The following CNTN3 variants were observed in gnomAD, a reference collection of about 807,000 sequenced individuals.
CNTN3 encodes the protein contactin 3.
A neutral mutation model predicts 119.1 loss-of-function variants in CNTN3; 60 were observed. The observed-to-expected ratio is 0.50, with a 90% CI of 0.41 to 0.62. The LOEUF is 0.62. Ranked by LOEUF, CNTN3 falls within the 20% of genes least tolerant of loss-of-function variation. The probability of loss-of-function intolerance (pLI) is 0.00; values close to 1 mark genes in which losing one functional copy is unlikely to be tolerated. For synonymous variants in CNTN3, 450 were observed against 438.7 expected (o/e 1.03, Z -0.32); for missense variants, 1,101 against 1,242.4 (o/e 0.89, Z 1.71).
At chr3:74,302,853 AC>A in intron 13 of CNTN3, 46 bp from the exon 14 acceptor site, 3 of 1,319,294 alleles carry the variant, frequency 2.3e-6, no homozygotes, top group Non-Finnish European at 3.2e-6. Context: ...TTTTTAAAAA[AC>A]ACAAAGAAGT....
At chr3:74,588,242 A>G (rs1704633163) in intron 1 of CNTN3, among the ~76,000 whole-genome samples, 1 of 152,134 alleles carries the variant, frequency 6.6e-6, no homozygotes, top group African/African-American at 2.4e-5. Context: ...TAAGCTGATA[A>G]GCAACTTCAG....
chr3:74,551,264 C>T (rs576668249), intron 1 of CNTN3, among the ~76,000 whole-genome samples: 18 of 152,244 alleles, frequency 1.2e-4, no homozygotes, highest in African/African-American at 3.1e-4. Context: ...ATACACTCCA[C>T]GACACTCAGA....
intron 11 of CNTN3, 106 bp from the exon 12 acceptor site, chr3:74,336,764 G>A: frequency 1.1e-6 from 1 of 885,496 alleles, no homozygotes; most frequent in Non-Finnish European, 1.6e-6. Flanking sequence ...GTATTTTTAA[G>A]GCATGATCAA....
intron 1 of CNTN3, among the ~76,000 whole-genome samples, chr3:74,594,709 G>C (rs1176432444): frequency 6.6e-6 from 1 of 152,024 alleles, no homozygotes; most frequent in East Asian, 1.9e-4. Flanking sequence ...TTGGACATTT[G>C]GGTTGGTCCC....
intron 1 of CNTN3, among the ~76,000 whole-genome samples, chr3:74,565,890 T>G (rs1704218796): frequency 6.6e-6 from 1 of 152,054 alleles, no homozygotes; most frequent in South Asian, 2.1e-4. Context: ...GAGGGACTGG[T>G]AGGAGGTATT....
chr3:74,434,236 C>T (rs147412500), intron 4 of CNTN3, among the ~76,000 whole-genome samples: 2 of 152,360 alleles, frequency 1.3e-5, no homozygotes, highest in East Asian at 3.9e-4. Flanking sequence ...ACAATATCCA[C>T]TCTTTGAACC....
At chr3:74,459,793 C>T (rs939857416) in intron 4 of CNTN3, among the ~76,000 whole-genome samples, 3 of 152,036 alleles carry the variant, frequency 2.0e-5, no homozygotes, top group Non-Finnish European at 4.4e-5. Context: ...TCCCATAACA[C>T]CTTTAATTCA....
intron 4 of CNTN3, among the ~76,000 whole-genome samples, chr3:74,435,165 T>C (rs1701845990): frequency 6.6e-6 from 1 of 152,188 alleles, no homozygotes. Flanking sequence ...TTAATTTTAC[T>C]GGAACGATTT....
intron 11 of CNTN3, among the ~76,000 whole-genome samples, chr3:74,358,646 C>T (rs1218716981): frequency 1.4e-5 from 2 of 143,518 alleles, no homozygotes; most frequent in Non-Finnish European, 3.0e-5. Flanking sequence ...TTTTAGGGTA[C>T]ATGTGCACAT....
intron 19 of CNTN3, among the ~76,000 whole-genome samples, chr3:74,288,154 C>CTTTCTTTTTTT (rs1702151254): frequency 1.1e-5 from 1 of 88,264 alleles, no homozygotes. Context: ...CTTTTCTTTT[C>CTTTCTTTTTTT]TTTTCTTTTT....
At chr3:74,479,824 T>C (rs559462493) in intron 4 of CNTN3, among the ~76,000 whole-genome samples, 1 of 152,042 alleles carries the variant, frequency 6.6e-6, no homozygotes, top group East Asian at 1.9e-4. Flanking sequence ...GATATAATTC[T>C]CCAAGAAGAT....
chr3:74,469,429 G>A (rs1702520565), intron 4 of CNTN3, among the ~76,000 whole-genome samples: 1 of 152,108 alleles, frequency 6.6e-6, no homozygotes, highest in South Asian at 2.1e-4. Context: ...CCCACAGAAT[G>A]GTGGGAAACA....
chr3:74,302,490 C>G (rs1251217928), intron 14 of CNTN3, among the ~76,000 whole-genome samples, 200 bp downstream of exon 14: 1 of 152,142 alleles, frequency 6.6e-6, no homozygotes, highest in South Asian at 2.1e-4. Flanking sequence ...ACAGTGAGAG[C>G]TATTTGAAGG....
At chr3:74,606,189 C>T (rs754813615) in intron 1 of CNTN3, among the ~76,000 whole-genome samples, 6 of 151,728 alleles carry the variant, frequency 4.0e-5, no homozygotes, top group Admixed American at 2.0e-4. Context: ...AAGAGGGAGA[C>T]GGATACAGAG....
intron 11 of CNTN3, among the ~76,000 whole-genome samples, chr3:74,356,613 T>G (rs1391455244): frequency 6.6e-6 from 1 of 152,098 alleles, no homozygotes; most frequent in Non-Finnish European, 1.5e-5. Flanking sequence ...GTGCCTAGCA[T>G]ATAGTAGGTA....
intron 1 of CNTN3, among the ~76,000 whole-genome samples, chr3:74,594,121 G>A (rs1014740004): frequency 2.6e-5 from 4 of 151,892 alleles, no homozygotes; most frequent in African/African-American, 9.7e-5. Context: ...TGAATAGATT[G>A]TAAGCACTGA....
chr3:74,556,370 T>C (rs1704069314), intron 1 of CNTN3, among the ~76,000 whole-genome samples: 1 of 152,188 alleles, frequency 6.6e-6, no homozygotes, highest in Admixed American at 6.5e-5. Context: ...ATTTGTTTAT[T>C]CTGGGCATTT....
rs567898439 is a variant in CNTN3 at position 74,455,670 on chromosome 3, G to A, written c.359-30730C>T. ...TCTTTGATGATGGTGATGTACAGAT[G>A]TTTTTTTTGGTGTGGATGTCCTTTC... is the stretch of plus-strand genomic sequence containing the variant. On this transcript the variant is annotated intron_variant, in intron 4 of 22. Transcript: ENST00000263665. Among the ~76,000 whole-genome samples, 9 of 151,766 alleles carry A rather than the reference G, an allele frequency of 5.9e-5. No homozygotes were observed. The East Asian group carries it at 8.0e-4, about 13-fold the overall frequency.
At position 74,364,609 on chromosome 3, in the gene CNTN3, A is replaced by T; in HGVS notation, c.1084-13T>A. On this transcript the variant is annotated splice_polypyrimidine_tract_variant and intron_variant, in intron 9 of 22. Coordinates refer to ENST00000263665, the MANE Select transcript of CNTN3 (RefSeq NM_020872.3). The stretch of plus-strand genomic sequence containing the variant: ...TCTGTGTTCTCTCCTAGATGATAAT[A>T]AAAATATCTTTCATATAAACAAACA... The T allele has an allele frequency of 6.3e-7, 1 of 1,589,080 alleles. No homozygotes were observed. Among genetic ancestry groups the T allele is most frequent in the Non-Finnish European group, 8.6e-7 (1 of 1,160,088 alleles).
Sources: allele counts gnomAD v4.1 joint callset (sites outside exome capture counted in the v4.1 genomes callset), GRCh38; gene constraint gnomAD v4.1.1; transcripts MANE v1.5; gene names NCBI Gene and HGNC (gene_info 2026-07-23, HGNC 2026-07-21).